TRPV3: variants seen among roughly 807,000 people sequenced by gnomAD.
TRPV3 encodes VRL-3.
A neutral mutation model predicts 87.1 loss-of-function variants in TRPV3; 88 were observed. The ratio of observed to expected loss-of-function variants is 1.01; its 90% CI spans 0.85 to 1.21. The LOEUF is 1.21. Among genes scored for constraint, TRPV3 ranks in the 50% most tolerant of loss-of-function variants. The probability of loss-of-function intolerance (pLI) is 0.00; values close to 1 mark genes in which losing one functional copy is unlikely to be tolerated. For synonymous variants in TRPV3, 438 were observed against 423.3 expected (o/e 1.03, Z -0.43); for missense variants, 1,054 against 1,030.1 (o/e 1.02, Z -0.32).
chr17:3,516,666 A>C, intron 15 of TRPV3, 97 bp from the exon 16 acceptor site: 1 of 833,448 alleles, frequency 1.2e-6, no homozygotes, highest in Non-Finnish European at 2.1e-6. Context: ...CCCTCACCTC[A>C]TGCTTAATGC....
At chr17:3,523,182 C>T (rs184768577) in intron 13 of TRPV3, among the ~76,000 whole-genome samples, 1 of 152,248 alleles carries the variant, frequency 6.6e-6, no homozygotes, top group Admixed American at 6.5e-5. Context: ...CTGTCTGCAG[C>T]CTTTACATTA....
At chr17:3,542,742 G>A (rs772583883) in intron 5 of TRPV3, 44 bp from the exon 6 acceptor site, 7 of 1,587,996 alleles carry the variant, frequency 4.4e-6, no homozygotes, top group Non-Finnish European at 6.0e-6. Flanking sequence ...GGCCCCGGCT[G>A]CCCTTGGCCC....
chr17:3,554,822 G>T lies in TRPV3; in HGVS notation c.29C>A (p.Pro10His), dbSNP rs1217821066. MKAHPKEMVPLMGKRVAAPS... is the reference protein window; with the variant it reads MKAHPKEMVHLMGKRVAAPS... ...GGCAGCAACTCTCTTGCCCATGAGAGGCACCATCTCCTTGGGGTGGGCTTT... is the reference window on the plus strand; with the variant it reads ...GGCAGCAACTCTCTTGCCCATGAGATGCACCATCTCCTTGGGGTGGGCTTT... Residue 10 changes from proline to histidine, a missense_variant, in exon 2 of 18, where the codon CCT becomes CAT. Physicochemically the swap from Pro to His is moderately conservative, Grantham distance 77. Coordinates refer to ENST00000576742, the MANE Select transcript of TRPV3 (RefSeq NM_145068.4). 6 of 1,612,488 alleles carry T rather than the reference G, an allele frequency of 3.7e-6. No homozygotes were observed.
At chr17:3,523,615 G>C (rs1044077355) in intron 13 of TRPV3, among the ~76,000 whole-genome samples, 1 of 152,032 alleles carries the variant, frequency 6.6e-6, no homozygotes, top group Non-Finnish European at 1.5e-5. Context: ...CTACTCTGGA[G>C]GCTGAGGCAG....
At chr17:3,543,328 C>T (rs746574470) in intron 5 of TRPV3, 146 bp downstream of exon 5, 4 of 1,054,892 alleles carry the variant, frequency 3.8e-6, no homozygotes, top group Non-Finnish European at 5.5e-6. Flanking sequence ...TCCCCATTCT[C>T]CTCGGAGTCA....
At chr17:3,535,119 C>T (rs1193169111) in intron 7 of TRPV3, among the ~76,000 whole-genome samples, 2 of 151,926 alleles carry the variant, frequency 1.3e-5, no homozygotes, top group Non-Finnish European at 2.9e-5. Flanking sequence ...GAGCTCAAAG[C>T]GGGGTGGCCC....
chr17:3,528,482 C>T lies in TRPV3; in HGVS notation c.1401+355G>A, dbSNP rs754785505. Reference sequence around the variant, plus strand: ...GTGCCCCACGTGACGCATGGGAAACCGAAGCCCAGCAGGCAGGGAGAGCTT... The same window carrying T: ...GTGCCCCACGTGACGCATGGGAAACTGAAGCCCAGCAGGCAGGGAGAGCTT... On this transcript the variant is annotated intron_variant, in intron 10 of 17. Coordinates refer to ENST00000576742, the MANE Select transcript of TRPV3 (RefSeq NM_145068.4). This position sits in a 1 kb window ranked among gnomAD's most constrained non-coding sequence, Gnocchi z 4.2. 5.6e-4 allele frequency among the ~76,000 whole-genome samples: 85 copies of T among 152,308 alleles called. No individual in the cohort carries two copies. Among genetic ancestry groups the T allele is most frequent in the Non-Finnish European group, 1.1e-3 (76 of 68,024 alleles).
intron 12 of TRPV3, among the ~76,000 whole-genome samples, chr17:3,525,139 C>CCTCCCTAGTAG (rs1389416796): frequency 6.6e-6 from 1 of 151,978 alleles, no homozygotes; most frequent in Non-Finnish European, 1.5e-5. Flanking sequence ...CCTGCCTCAG[C>CCTCCCTAGTAG]CTCCCTAGTA....
At chr17:3,550,879 T>C (rs2074567488) in intron 2 of TRPV3, among the ~76,000 whole-genome samples, 1 of 152,156 alleles carries the variant, frequency 6.6e-6, no homozygotes, top group Non-Finnish European at 1.5e-5. Flanking sequence ...TAATATCCTC[T>C]GTGTAAGAAA....
At chr17:3,543,375 C>A in intron 5 of TRPV3, 99 bp downstream of exon 5, 1 of 1,479,796 alleles carries the variant, frequency 6.8e-7, no homozygotes, top group South Asian at 1.2e-5. Context: ...AGGCCCCTCA[C>A]ACTCCAGCCT....
intron 13 of TRPV3, among the ~76,000 whole-genome samples, chr17:3,523,273 T>C (rs930630980): frequency 1.1e-3 from 164 of 152,338 alleles, no homozygotes; most frequent in African/African-American, 3.8e-3. Context: ...GTTGCTCACA[T>C]CATTGATAAA....
At chr17:3,543,952 G>C (rs2074494081) in intron 4 of TRPV3, among the ~76,000 whole-genome samples, 1 of 151,994 alleles carries the variant, frequency 6.6e-6, no homozygotes, top group South Asian at 2.1e-4. Flanking sequence ...ATCCTTCCCT[G>C]TCCTCCCACT....
chr17:3,535,237 TCC>T (rs1491270270), intron 7 of TRPV3, among the ~76,000 whole-genome samples: 23 of 21,396 alleles, frequency 1.1e-3, no homozygotes, highest in Admixed American at 4.8e-3. Context: ...CCCTCCTCCC[TCC>T]CTCCCCCTCC....
chr17:3,547,101 A>C (rs1057103312), intron 2 of TRPV3, among the ~76,000 whole-genome samples: 2 of 152,188 alleles, frequency 1.3e-5, no homozygotes, highest in African/African-American at 4.8e-5. Flanking sequence ...TACAAAGGAC[A>C]CCTCAAGGAT....
At chr17:3,547,825 G>A (rs950280291) in intron 2 of TRPV3, among the ~76,000 whole-genome samples, 7 of 152,246 alleles carry the variant, frequency 4.6e-5, no homozygotes, top group African/African-American at 1.7e-4. Flanking sequence ...CAGCGAAGGA[G>A]AGACGCTGGC....
At chr17:3,535,511 T>A (rs2074400756) in intron 7 of TRPV3, 62 bp downstream of exon 7, 29 of 1,095,170 alleles carry the variant, frequency 2.6e-5, no homozygotes, top group East Asian at 6.9e-5. Context: ...CTTCCCTCCC[T>A]TCCTCTCCCG....
intron 6 of TRPV3, 37 bp downstream of exon 6, chr17:3,542,485 G>C: frequency 1.3e-6 from 2 of 1,595,352 alleles, no homozygotes; most frequent in Non-Finnish European, 1.7e-6. Context: ...CACCCTCAGA[G>C]ACTCCTGTCT....
At chr17:3,549,987 TGATG>T (rs577788037) in intron 2 of TRPV3, among the ~76,000 whole-genome samples, 37 of 147,868 alleles carry the variant, frequency 2.5e-4, no homozygotes, top group African/African-American at 5.5e-4. Flanking sequence ...AGTGGATAGA[TGATG>T]GATGGATGGA....
In TRPV3 at chr17:3,523,446, C is replaced by T. The variant is rs568986931; in HGVS notation, c.1743+752G>A. ...TAAAAAGCAACAAATAGGCCTGGCG[C>T]GGTGGTTCATGCCTGTAATCCCAGC... On this transcript the variant is annotated intron_variant, in intron 13 of 17. Coordinates refer to ENST00000576742, the MANE Select transcript of TRPV3 (RefSeq NM_145068.4). Among the ~76,000 whole-genome samples the T allele has an allele frequency of 3.9e-4, 60 of 152,190 alleles. 1 individual carries two copies. The highest frequency in any genetic ancestry group is 1.3e-3 in the African/African-American group (53 of 41,536).
Sources: gnomAD v4.1 joint callset for allele counts (sites outside exome capture counted in the v4.1 genomes callset) on GRCh38, gnomAD v4.1.1 for gene constraint, Gnocchi (gnomAD v3.1) non-coding constraint, MANE v1.5 for transcripts, NCBI Gene and HGNC (gene_info 2026-07-23, HGNC 2026-07-21) for gene names.